Variants in DNMT1 observed in about 807,000 individuals in gnomAD.
The protein encoded by DNMT1 is DNA (cytosine-5)-methyltransferase 1.
A neutral mutation model predicts 205.3 loss-of-function variants in DNMT1; 24 were observed. The ratio of observed to expected loss-of-function variants is 0.12; its 90% CI spans 0.08 to 0.16. The LOEUF is 0.16. Ranked by LOEUF, DNMT1 falls within the 10% of genes least tolerant of loss-of-function variation. DNMT1 has a pLI of 1.00. For missense variants in DNMT1, 1,293 were observed against 2,177.7 expected, an observed-to-expected ratio of 0.59 and a Z score of 8.09; for synonymous variants, 817 against 839.8, an observed-to-expected ratio of 0.97 and a Z score of 0.47.
intron 34 of DNMT1, among the ~76,000 whole-genome samples, chr19:10,139,408 G>C (rs1014462400): frequency 1.3e-5 from 2 of 152,200 alleles, no homozygotes; most frequent in Admixed American, 1.3e-4. Flanking sequence ...AAGGAGCCAG[G>C]AGCTGCATGG....
At chr19:10,184,962 C>G (rs566637874) in intron 1 of DNMT1, among the ~76,000 whole-genome samples, 1 of 152,306 alleles carries the variant, frequency 6.6e-6, no homozygotes, top group South Asian at 2.1e-4. Flanking sequence ...TTTGCTGGAC[C>G]CATGTCTTAC....
In DNMT1 at chr19:10,137,363, A is replaced by C; in HGVS notation, c.4294-83T>G. The C allele has an allele frequency of 6.6e-7, 1 of 1,505,654 alleles. No individual in the cohort carries two copies. The highest frequency in any genetic ancestry group is 9.0e-7 in the Non-Finnish European group (1 of 1,116,458). The allele number at this position is 1,505,654 out of a possible 1,614,324, so 93.3% of individuals were successfully genotyped here. A position where few individuals can be genotyped will look rare whatever the true frequency, so the allele number is the denominator to read the frequency against. ...TGGTGGGCTGGGAGCTGGGAACACC[A>C]TGGTGACCAGGAAGCCCCCTGGGGC... On this transcript the variant is annotated intron_variant, in intron 36 of 40. Transcript: ENST00000359526. This position sits in a 1 kb window ranked among gnomAD's most constrained non-coding sequence, Gnocchi z 6.4.
In DNMT1 at chr19:10,140,141, G is replaced by A. The variant is rs139909192; in HGVS notation, c.3711C>T (p.Cys1237=). 177 of 1,613,804 alleles carry A rather than the reference G, an allele frequency of 1.1e-4. No homozygotes were observed. Among genetic ancestry groups the A allele is most frequent in the East Asian group, 6.0e-4 (27 of 44,894 alleles). ...TGAAGCCCTGGCAGGGCGGCCCGCC[G>A]CACAGCATCTCCACGTCTCCCTTCT... is the stretch of plus-strand genomic sequence containing the variant. The part of the protein sequence containing the change: ...LPQKGDVEML[C]GGPPCQGFSG... The change falls in exon 33 of 41, where the codon TGC becomes TGT. Residue 1237 remains cysteine, a synonymous_variant. Transcript: ENST00000359526. This position sits in a 1 kb window ranked among gnomAD's most constrained non-coding sequence, Gnocchi z 8.4.
At chr19:10,142,356 C>A (rs986499308) in intron 29 of DNMT1, 136 bp from the exon 30 acceptor site, 5 of 1,222,322 alleles carry the variant, frequency 4.1e-6, no homozygotes. Flanking sequence ...AGGGTAAAGA[C>A]CCCCTCAGTT....
chr19:10,154,857 C>T lies in DNMT1; in HGVS notation c.1644+48G>A, dbSNP rs1038970874. On this transcript the variant is annotated intron_variant, in intron 20 of 40. Coordinates refer to ENST00000359526, the MANE Select transcript of DNMT1 (RefSeq NM_001130823.3). The surrounding 1 kb of genome is among the most constrained non-coding windows in gnomAD (Gnocchi z 6.3). ...GAACAGTGTCTGCTGGTTCTGAAGGCAAGTTTCCAGTGGGAATCCCGGATG... is the reference window on the plus strand; with the variant it reads ...GAACAGTGTCTGCTGGTTCTGAAGGTAAGTTTCCAGTGGGAATCCCGGATG... 1 of 1,614,228 alleles carries T rather than the reference C, an allele frequency of 6.2e-7. No homozygotes were observed. Among genetic ancestry groups the T allele is most frequent in the Non-Finnish European group, 8.5e-7 (1 of 1,180,046 alleles).
chr19:10,190,547 G>A (rs961208678), intron 1 of DNMT1, among the ~76,000 whole-genome samples: 1 of 152,016 alleles, frequency 6.6e-6, no homozygotes, highest in Admixed American at 6.6e-5. Context: ...CGAATCACTT[G>A]AGTCCAGGAG....
intron 7 of DNMT1, 22 bp from the exon 8 acceptor site, chr19:10,173,927 C>G: frequency 6.2e-7 from 1 of 1,612,662 alleles, no homozygotes. Context: ...GAAGGAAGAA[C>G]AAAAAAGATT....
Position 10,180,366 on chromosome 19 carries a change from G to T in DNMT1, c.429C>A (p.Ser143=), listed in dbSNP as rs550244119. The T allele has an allele frequency of 6.2e-7, 1 of 1,612,932 alleles. No individual in the cohort carries two copies. Among genetic ancestry groups the T allele is most frequent in the East Asian group, 2.2e-5 (1 of 44,884 alleles). ...TGCTCTTACGCTTAGCCTCTCCATC[G>T]GACTTGCTCCTCCTGGGCGTGCGAG... ...SKPRTPRRSK[S]DGEAKRSRDP... is the part of the protein sequence containing the mutation. Residue 143 remains serine (S), a synonymous_variant, in exon 4 of 41, where the codon TCC becomes TCA. Coordinates refer to ENST00000359526, the MANE Select transcript of DNMT1 (RefSeq NM_001130823.3).
intron 2 of DNMT1, 62 bp from the exon 3 acceptor site, chr19:10,180,947 T>C (rs1183147738): frequency 1.2e-5 from 17 of 1,369,652 alleles, no homozygotes; most frequent in Non-Finnish European, 1.8e-5. Context: ...AGTGGACTAA[T>C]ACACAAATTA....
intron 37 of DNMT1, 110 bp downstream of exon 37, chr19:10,136,975 G>A: frequency 3.5e-6 from 5 of 1,431,122 alleles, no homozygotes; most frequent in South Asian, 1.2e-5. Context: ...GGGACACCCA[G>A]GCTTGGTGTG....
intron 9 of DNMT1, among the ~76,000 whole-genome samples, chr19:10,170,609 C>A (rs188646910): frequency 2.0e-4 from 30 of 152,270 alleles, no homozygotes; most frequent in African/African-American, 7.2e-4. Context: ...CACACCACTG[C>A]ACTGCAGCCT....
At chr19:10,183,221 T>C (rs774339009) in intron 1 of DNMT1, among the ~76,000 whole-genome samples, 2 of 151,162 alleles carry the variant, frequency 1.3e-5, no homozygotes, top group Non-Finnish European at 2.9e-5. Flanking sequence ...GTTCAAGCGA[T>C]TCTCCTGGCT....
intron 11 of DNMT1, among the ~76,000 whole-genome samples, chr19:10,165,397 C>T (rs1195619388): frequency 6.6e-6 from 1 of 152,044 alleles, no homozygotes; most frequent in African/African-American, 2.4e-5. Flanking sequence ...TTATTATTAC[C>T]ATATTATTTT....
intron 22 of DNMT1, among the ~76,000 whole-genome samples, chr19:10,152,839 C>CCT (rs1421949221): frequency 6.6e-6 from 1 of 151,806 alleles, no homozygotes; most frequent in Non-Finnish European, 1.5e-5. Context: ...GTGCCTCATG[C>CCT]CTCTAATCCC....
chr19:10,188,765 CAGAG>C (rs1276803160), intron 1 of DNMT1, among the ~76,000 whole-genome samples: 5 of 152,062 alleles, frequency 3.3e-5, no homozygotes, highest in Admixed American at 6.6e-5. Flanking sequence ...GAGGACGGGT[CAGAG>C]AGAGATGCAA....
At chr19:10,177,147 C>T (rs1478141404) in intron 6 of DNMT1, 145 bp downstream of exon 6, 3 of 725,024 alleles carry the variant, frequency 4.1e-6, no homozygotes, top group African/African-American at 3.6e-5. Context: ...TTCAGAAATG[C>T]TATTCATAAA....
At chr19:10,167,199 C>CT (rs369910549) in intron 10 of DNMT1, among the ~76,000 whole-genome samples, 100 of 147,280 alleles carry the variant, frequency 6.8e-4, no homozygotes, top group East Asian at 3.4e-3. Flanking sequence ...TTCTTTTTTC[C>CT]TTTTTTTTTT....
intron 1 of DNMT1, among the ~76,000 whole-genome samples, chr19:10,188,631 G>T (rs905924096): frequency 1.3e-5 from 2 of 152,162 alleles, no homozygotes; most frequent in African/African-American, 4.8e-5. Flanking sequence ...TTTTGCAGAT[G>T]TAACTAAGAA....
chr19:10,180,438 T>C lies in DNMT1; in HGVS notation c.357A>G (p.Arg119=). 2 of 1,614,196 alleles carry C rather than the reference T, an allele frequency of 1.2e-6. No individual in the cohort carries two copies. The highest frequency in any genetic ancestry group is 1.7e-6 in the Non-Finnish European group (2 of 1,180,044). Residue 119 remains arginine, a synonymous_variant, in exon 4 of 41, where the codon AGA becomes AGG. Coordinates refer to ENST00000359526, the MANE Select transcript of DNMT1 (RefSeq NM_001130823.3). ...GGCTGTTGGCATCTGCCATTCCCAC[T>C]CTACGGGCTTCACTTCTTGCTTGGT... ...NGNQARSEAR[R]VGMADANSPP... is the part of the protein sequence containing the mutation.
Sources: allele counts gnomAD v4.1 joint callset (sites outside exome capture counted in the v4.1 genomes callset), GRCh38; gene constraint gnomAD v4.1.1; non-coding constraint Gnocchi (gnomAD v3.1); transcripts MANE v1.5; gene names NCBI Gene and HGNC (gene_info 2026-07-23, HGNC 2026-07-21).